Variants in CDK14 observed in about 807,000 individuals in gnomAD.
The protein encoded by CDK14 is cyclin dependent kinase 14.
Under a neutral mutation model 60.7 loss-of-function variants are expected in CDK14, and 34 were observed. The ratio of observed to expected loss-of-function variants is 0.56; its 90% CI spans 0.43 to 0.75. CDK14 has a LOEUF of 0.75. CDK14 is among the 30% of genes least tolerant of loss of function. CDK14 has a pLI of 0.00. For synonymous variants in CDK14, 197 were observed against 203.7 expected, an observed-to-expected ratio of 0.97 and a Z score of 0.28; for missense variants, 482 against 564.1, an observed-to-expected ratio of 0.85 and a Z score of 1.47.
chr7:90,727,759 C>T lies in CDK14; in HGVS notation c.369+947C>T, dbSNP rs1272121919. 2.0e-5 allele frequency among the ~76,000 whole-genome samples: 3 copies of T among 152,158 alleles called. No individual in the cohort carries two copies. The East Asian group carries it at 5.8e-4, about 29-fold the overall frequency. On this transcript the variant is annotated intron_variant, in intron 3 of 14. Transcript: ENST00000380050. The stretch of plus-strand genomic sequence containing the variant: ...TCAGATAATCTATCAGTTTTTCTCC[C>T]CCACTGAGATTGCCCTGGCAGTTCT...
At chr7:91,201,531 A>G (rs903863626) in intron 14 of CDK14, among the ~76,000 whole-genome samples, 1 of 143,654 alleles carries the variant, frequency 7.0e-6, no homozygotes, top group African/African-American at 2.8e-5. Flanking sequence ...TGCAGCAGGA[A>G]AAAAAAAAAA....
chr7:90,605,998 A>G (rs17874800), intron 2 of CDK14, among the ~76,000 whole-genome samples: 1 of 152,206 alleles, frequency 6.6e-6, no homozygotes, highest in Non-Finnish European at 1.5e-5. Flanking sequence ...GTATAGTCAA[A>G]GGTCTGGAGT....
intron 10 of CDK14, among the ~76,000 whole-genome samples, chr7:91,002,780 A>C (rs1795877020): frequency 6.6e-6 from 1 of 152,156 alleles, no homozygotes; most frequent in Non-Finnish European, 1.5e-5. Context: ...GTTTAATAAG[A>C]ATATCAGATG....
chr7:91,008,788 A>AAGTTGTAT (rs1209820746), intron 10 of CDK14, among the ~76,000 whole-genome samples: 3 of 152,208 alleles, frequency 2.0e-5, no homozygotes, highest in Non-Finnish European at 4.4e-5. Flanking sequence ...CAAGAATACA[A>AAGTTGTAT]AGTTGTATTC....
chr7:90,911,513 G>C (rs113889035), intron 7 of CDK14, among the ~76,000 whole-genome samples: 1 of 151,984 alleles, frequency 6.6e-6, no homozygotes, highest in Non-Finnish European at 1.5e-5. Context: ...GAGAGACCCC[G>C]CACATTCCTT....
chr7:90,700,256 G>A (rs1169942606), intron 2 of CDK14, among the ~76,000 whole-genome samples: 1 of 152,102 alleles, frequency 6.6e-6, no homozygotes, highest in East Asian at 1.9e-4. Context: ...ACCATGCCCA[G>A]CTGATTTTTG....
intron 6 of CDK14, among the ~76,000 whole-genome samples, chr7:90,882,001 CA>C (rs1163479206): frequency 6.6e-6 from 1 of 152,048 alleles, no homozygotes; most frequent in African/African-American, 2.4e-5. Flanking sequence ...ATATAAAGAC[CA>C]ATGACACTAC....
chr7:91,203,481 ACCT>A (rs1184437246), intron 14 of CDK14, among the ~76,000 whole-genome samples: 1 of 152,150 alleles, frequency 6.6e-6, no homozygotes, highest in Admixed American at 6.5e-5. Context: ...GTGTCTTCAC[ACCT>A]CTGGAGGGAC....
Position 90,648,237 on chromosome 7 carries a change from A to G in CDK14, c.123+43988A>G, listed in dbSNP as rs17865191. Among the ~76,000 whole-genome samples, 86 of 152,178 alleles carry G rather than the reference A, an allele frequency of 5.7e-4. 1 individual carries two copies. The highest frequency in any genetic ancestry group is 9.4e-4 in the Non-Finnish European group (64 of 68,004). ...TGGGCCATGTGGTTCTGCTTGCACAATGCCTCACTCACATGACTGTTGGCA... is the reference window on the plus strand; with the variant it reads ...TGGGCCATGTGGTTCTGCTTGCACAGTGCCTCACTCACATGACTGTTGGCA... On this transcript the variant is annotated intron_variant, in intron 2 of 14. Transcript: ENST00000380050.
rs150916486 is a variant in CDK14 at position 91,142,491 on chromosome 7, T to TAGCCC, written c.*28+24286_*28+24290dup. 2.6e-5 allele frequency among the ~76,000 whole-genome samples: 4 copies of TAGCCC among 152,338 alleles called. No individual in the cohort carries two copies. In the East Asian group the frequency reaches 7.7e-4, roughly 29 times the overall value. On this transcript the variant is annotated intron_variant, in intron 14 of 14. Coordinates refer to ENST00000380050, the MANE Select transcript of CDK14 (RefSeq NM_001287135.2). ...CTGTTGTCCGTGTCAAATGTAAAAA[T>TAGCCC]AGCCCAGAGGAGCCTTTTGTTGTAA...
At chr7:90,780,672 C>T (rs1005866965) in intron 4 of CDK14, among the ~76,000 whole-genome samples, 10 of 148,324 alleles carry the variant, frequency 6.7e-5, no homozygotes, top group African/African-American at 1.0e-4. Context: ...TTTGTTCTTG[C>T]GATAGTTAAT....
intron 8 of CDK14, among the ~76,000 whole-genome samples, chr7:90,923,499 A>G (rs546421950): frequency 6.6e-6 from 1 of 152,308 alleles, no homozygotes; most frequent in East Asian, 1.9e-4. Flanking sequence ...TGCATATACT[A>G]TTCCATCTAT....
chr7:90,784,849 A>G (rs550172076), intron 4 of CDK14, among the ~76,000 whole-genome samples: 1 of 152,224 alleles, frequency 6.6e-6, no homozygotes, highest in South Asian at 2.1e-4. Context: ...TGAAATATGT[A>G]TGTAATACAG....
chr7:90,602,044 C>T (rs973341070), intron 1 of CDK14, among the ~76,000 whole-genome samples: 3 of 152,072 alleles, frequency 2.0e-5, no homozygotes, highest in Non-Finnish European at 4.4e-5. Context: ...TGAGCTCTGG[C>T]GACCCATCCG....
chr7:91,112,542 G>A lies in CDK14; in HGVS notation c.1155G>A (p.Lys385=), dbSNP rs1369783458. The part of the protein sequence containing the change: ...SSKNLRQAWN[K]LSYVNHAEDL... Reference sequence around the variant, plus strand: ...CTCTCTTTTTTGCTCATGTTTTTAGGCTCAGCTATGTGAACCATGCAGAGG... The same window carrying A: ...CTCTCTTTTTTGCTCATGTTTTTAGACTCAGCTATGTGAACCATGCAGAGG... The change falls in exon 13 of 15, where the codon AAG becomes AAA. Residue 385 remains lysine, a splice_region_variant and synonymous_variant. Coordinates refer to ENST00000380050, the MANE Select transcript of CDK14 (RefSeq NM_001287135.2). The A allele has an allele frequency of 6.2e-7, 1 of 1,610,808 alleles. No homozygotes were observed. The highest frequency in any genetic ancestry group is 1.7e-5 in the Admixed American group (1 of 59,852).
intron 10 of CDK14, among the ~76,000 whole-genome samples, chr7:91,013,350 T>G (rs1796213481): frequency 6.6e-6 from 1 of 152,020 alleles, no homozygotes; most frequent in Non-Finnish European, 1.5e-5. Context: ...CAATGGATTG[T>G]TCTTTGCTTC....
At chr7:90,873,196 A>T (rs564020671) in intron 6 of CDK14, among the ~76,000 whole-genome samples, 23 of 152,264 alleles carry the variant, frequency 1.5e-4, no homozygotes, top group Admixed American at 1.4e-3. Context: ...GCTTGGAGAG[A>T]TTAGAGAAAG....
intron 11 of CDK14, among the ~76,000 whole-genome samples, chr7:91,059,589 A>C (rs1797712363): frequency 6.6e-6 from 1 of 152,048 alleles, no homozygotes; most frequent in East Asian, 1.9e-4. Flanking sequence ...TGTCCCAGAG[A>C]TTCTGGTATG....
At chr7:91,137,468 G>GA (rs1027065229) in intron 14 of CDK14, among the ~76,000 whole-genome samples, 10 of 151,488 alleles carry the variant, frequency 6.6e-5, no homozygotes, top group Non-Finnish European at 1.5e-4. Flanking sequence ...TGCTTTCTGG[G>GA]AAAAAAAAGT....
Sources: gnomAD v4.1 joint callset for allele counts (sites outside exome capture counted in the v4.1 genomes callset) on GRCh38, gnomAD v4.1.1 for gene constraint, MANE v1.5 for transcripts, NCBI Gene and HGNC (gene_info 2026-07-23, HGNC 2026-07-21) for gene names.